Variants in ABCB4 observed in about 807,000 individuals in gnomAD.
The protein encoded by ABCB4 is phosphatidylcholine translocator ABCB4.
ABCB4 carries 76 observed loss-of-function variants against 145.7 expected under a neutral mutation model. The observed-to-expected ratio is 0.52, with a 90% confidence interval of 0.43 to 0.63. The LOEUF is 0.63. Among genes scored for constraint, ABCB4 ranks in the 30% least tolerant of loss-of-function variants. The pLI is 0.00. For missense variants in ABCB4, 1,234 were observed against 1,553.1 expected, an observed-to-expected ratio of 0.79 and a Z score of 3.45; for synonymous variants, 517 against 566.8, an observed-to-expected ratio of 0.91 and a Z score of 1.25.
intron 17 of ABCB4, among the ~76,000 whole-genome samples, chr7:87,422,835 G>A (rs977321066): frequency 2.0e-5 from 3 of 152,144 alleles, no homozygotes; most frequent in Non-Finnish European, 4.4e-5. Flanking sequence ...TGTTTGTGGG[G>A]TTATTTTTTT....
At chr7:87,392,423 A>T in the ABCB4 span, 1,319 of 678,114 alleles carry the variant, frequency 1.9e-3, 20 homozygotes, top group East Asian at 0.031. Flanking sequence ...TGATGGAAAG[A>T]TATAGGAGTA....
chr7:87,402,529 A>T (rs45552235), intron 27 of ABCB4, among the ~76,000 whole-genome samples: 122 of 152,346 alleles, frequency 8.0e-4, no homozygotes, highest in Middle Eastern at 3.4e-3. Flanking sequence ...AAAAAAATTC[A>T]TAAGTATTTA....
At chr7:87,464,089 G>T (rs1488464117) in intron 3 of ABCB4, among the ~76,000 whole-genome samples, 3 of 152,054 alleles carry the variant, frequency 2.0e-5, no homozygotes, top group Non-Finnish European at 2.9e-5. Flanking sequence ...TGGGGACAAA[G>T]AACAGTTATT....
At chr7:87,392,504 A>AT in the ABCB4 span, 4 of 1,328,186 alleles carry the variant, frequency 3.0e-6, no homozygotes, top group South Asian at 2.5e-5. Flanking sequence ...TGAGCTTAGG[A>AT]TTTTTTTCTA....
At chr7:87,445,862 T>A (rs1811310824) in intron 9 of ABCB4, among the ~76,000 whole-genome samples, 1 of 152,236 alleles carries the variant, frequency 6.6e-6, no homozygotes, top group South Asian at 2.1e-4. Context: ...CAGAGGGCTT[T>A]GCTTGGGCTC....
chr7:87,464,715 C>CA (rs1003268841), intron 3 of ABCB4, among the ~76,000 whole-genome samples: 3 of 151,784 alleles, frequency 2.0e-5, no homozygotes, highest in African/African-American at 4.8e-5. Flanking sequence ...TCTTTCAGGA[C>CA]AAAAAATATC....
At chr7:87,406,580 C>G in intron 25 of ABCB4, 86 bp from the exon 26 acceptor site, 1 of 1,453,990 alleles carries the variant, frequency 6.9e-7, no homozygotes, top group Non-Finnish European at 9.4e-7. Context: ...TTTGGAGGAT[C>G]GTTGCATGAG....
intron 4 of ABCB4, 82 bp downstream of exon 4, chr7:87,462,676 A>G (rs1812543012): frequency 1.5e-6 from 2 of 1,308,176 alleles, no homozygotes; most frequent in Non-Finnish European, 2.2e-6. Context: ...TAAGATGGTA[A>G]TGAATAGCAA....
chr7:87,466,953 T>C (rs930216972), intron 3 of ABCB4, among the ~76,000 whole-genome samples: 1 of 152,084 alleles, frequency 6.6e-6, no homozygotes, highest in Non-Finnish European at 1.5e-5. Flanking sequence ...ACATACCAAA[T>C]TGTAAAGACC....
chr7:87,406,347 C>T lies in ABCB4; in HGVS notation c.3427G>A (p.Glu1143Lys). ...GCAGCTTTGGCTGCACTCACAATTT[C>T]ATCCTGTGATACAACCCGGCTGTTG... ...GDNSRVVSQD[E>K]IVSAAKAANI... is the part of the protein sequence containing the mutation. Residue 1143 changes from glutamate to lysine, a missense_variant, in exon 26 of 28, where the codon GAA becomes AAA. Around this residue, in one of 7 missense-constraint regions of ABCB4, gnomAD observed 301 missense variants for 389.0 expected, o/e 0.77. Transcript: ENST00000649586. The T allele has an allele frequency of 6.2e-7, 1 of 1,614,094 alleles. No individual in the cohort carries two copies. The highest frequency in any genetic ancestry group is 8.5e-7 in the Non-Finnish European group (1 of 1,180,014).
At chr7:87,436,064 A>G (rs1448154000) in intron 14 of ABCB4, among the ~76,000 whole-genome samples, 1 of 152,224 alleles carries the variant, frequency 6.6e-6, no homozygotes, top group African/African-American at 2.4e-5. Context: ...AGACATCTCT[A>G]GACAGACTAT....
chr7:87,398,134 C>G (rs115086319), downstream of ABCB4, among the ~76,000 whole-genome samples: 1,867 of 148,500 alleles, frequency 0.013, 38 homozygotes, highest in African/African-American at 0.042. Context: ...TCTTCAAGTA[C>G]TCTTTAAAAA....
intron 15 of ABCB4, among the ~76,000 whole-genome samples, chr7:87,431,078 C>G (rs1236869573): frequency 1.3e-5 from 2 of 152,162 alleles, no homozygotes; most frequent in Non-Finnish European, 2.9e-5. Context: ...GCTCCTCGGA[C>G]AAGTCGAAAC....
intron 20 of ABCB4, among the ~76,000 whole-genome samples, chr7:87,417,951 TA>T (rs1809104228): frequency 6.6e-6 from 1 of 152,204 alleles, no homozygotes; most frequent in Admixed American, 6.5e-5. Flanking sequence ...ACAAAGCACA[TA>T]TAAGGATGAA....
At chr7:87,425,458 C>T (rs752970316) in intron 16 of ABCB4, among the ~76,000 whole-genome samples, 4 of 152,114 alleles carry the variant, frequency 2.6e-5, no homozygotes, top group Non-Finnish European at 5.9e-5. Context: ...AGATTAAGAC[C>T]TCTAAGAGAG....
At chr7:87,464,683 G>C (rs1286073519) in intron 3 of ABCB4, among the ~76,000 whole-genome samples, 1 of 152,082 alleles carries the variant, frequency 6.6e-6, no homozygotes, top group Non-Finnish European at 1.5e-5. Context: ...ACTCCTGTTA[G>C]AGCACAGTTT....
chr7:87,465,154 G>A (rs1188034009), intron 3 of ABCB4, among the ~76,000 whole-genome samples: 1 of 152,182 alleles, frequency 6.6e-6, no homozygotes, highest in African/African-American at 2.4e-5. Flanking sequence ...GACGGCACCT[G>A]GAAAATCGGG....
chr7:87,398,553 C>T (rs1807630291), downstream of ABCB4: 1 of 1,613,774 alleles, frequency 6.2e-7, no homozygotes, highest in Non-Finnish European at 8.5e-7. Context: ...GCCTGGAAAT[C>T]CTGTCCCGAG....
intron 16 of ABCB4, 139 bp downstream of exon 16, chr7:87,426,611 G>A (rs1809826135): frequency 1.2e-6 from 1 of 818,218 alleles, no homozygotes; most frequent in Non-Finnish European, 1.9e-6. Context: ...TTTAAAATTT[G>A]AAAATTTTTT....
Sources: allele counts gnomAD v4.1 joint callset (sites outside exome capture counted in the v4.1 genomes callset), GRCh38; gene constraint gnomAD v4.1.1; regional missense constraint gnomAD v4.1.1; transcripts MANE v1.5; gene names NCBI Gene and HGNC (gene_info 2026-07-23, HGNC 2026-07-21).